The following DMD variants were observed in gnomAD, a reference collection of about 807,000 sequenced individuals.
DMD encodes dystrophin.
A neutral mutation model predicts 330.1 loss-of-function variants in DMD; 63 were observed. The observed-to-expected ratio is 0.19, with a 90% CI of 0.16 to 0.24. DMD has a LOEUF of 0.24. Among genes scored for constraint, DMD ranks in the 10% least tolerant of loss-of-function variants. The pLI, the probability that DMD is intolerant of heterozygous loss-of-function variation, is 1.00. For missense variants in DMD, 3,344 were observed against 2,684.1 expected (o/e 1.25, Z -5.43); for synonymous variants, 1,223 against 959.8 (o/e 1.27, Z -5.07).
At chrX:33,217,469 T>C (rs1358013987) in intron 1 of DMD, among the ~76,000 whole-genome samples, 1 of 111,917 alleles carries the variant, frequency 8.9e-6, no homozygotes, top group Non-Finnish European at 1.9e-5. Context: ...AGCTTTTTAG[T>C]TTGTAGTATA....
intron 2 of DMD, among the ~76,000 whole-genome samples, chrX:32,888,677 G>A (rs1258836257): frequency 8.9e-6 from 1 of 111,856 alleles, no homozygotes; most frequent in African/African-American, 3.3e-5. Flanking sequence ...CTAAGGAAAT[G>A]ACATCAGTAT....
At chrX:33,023,717 T>C in intron 1 of DMD, among the ~76,000 whole-genome samples, 1 of 111,856 alleles carries the variant, frequency 8.9e-6, no homozygotes, top group African/African-American at 3.2e-5. Flanking sequence ...TAATTATATA[T>C]TGGTAATTCT....
intron 15 of DMD, among the ~76,000 whole-genome samples, chrX:32,567,036 G>T (rs6631608): frequency 0.41 from 44,892 of 110,687 alleles, 8,219 homozygotes; most frequent in Non-Finnish European, 0.56. Flanking sequence ...ATGAAGCAAA[G>T]TGCCCCAAAC....
intron 7 of DMD, among the ~76,000 whole-genome samples, chrX:32,752,471 T>C (rs146108357): frequency 9.2e-6 from 1 of 108,957 alleles, no homozygotes; most frequent in East Asian, 2.9e-4. Context: ...CCAATGCCTG[T>C]AACCCCACTG....
chrX:32,721,966 T>C (rs939801076), intron 7 of DMD, among the ~76,000 whole-genome samples: 10 of 110,452 alleles, frequency 9.1e-5, no homozygotes, highest in East Asian at 2.8e-4. Context: ...TAGTTGATTA[T>C]ATAGGCTTAG....
At chrX:31,891,204 T>C (rs1364495508) in intron 47 of DMD, among the ~76,000 whole-genome samples, 1 of 111,804 alleles carries the variant, frequency 8.9e-6, no homozygotes, top group Non-Finnish European at 1.9e-5. Flanking sequence ...TGTGAAGTTG[T>C]AGCTTTACTA....
At chrX:32,330,367 T>C (rs1198437581) in intron 41 of DMD, among the ~76,000 whole-genome samples, 2 of 112,106 alleles carry the variant, frequency 1.8e-5, no homozygotes, top group Non-Finnish European at 3.8e-5. Flanking sequence ...TAGATTTTAT[T>C]CATCTGTTCT....
At chrX:31,635,096 C>T (rs2079340267) in intron 54 of DMD, among the ~76,000 whole-genome samples, 1 of 111,074 alleles carries the variant, frequency 9.0e-6, no homozygotes. Context: ...TCAAAATATC[C>T]TTTTGGGCAT....
chrX:31,156,291 G>T (rs2038106899), intron 74 of DMD, among the ~76,000 whole-genome samples: 1 of 111,817 alleles, frequency 8.9e-6, no homozygotes, highest in Non-Finnish European at 1.9e-5. Flanking sequence ...TTTTATATAA[G>T]ACATTTACAT....
At chrX:32,087,133 T>G (rs188383687) in intron 44 of DMD, among the ~76,000 whole-genome samples, 1 of 111,850 alleles carries the variant, frequency 8.9e-6, no homozygotes, top group African/African-American at 3.2e-5. Context: ...TGATTCAAAA[T>G]TTTCGAGCAT....
chrX:31,218,133 G>A (rs1271854523), intron 64 of DMD, among the ~76,000 whole-genome samples: 1 of 110,398 alleles, frequency 9.1e-6, no homozygotes, highest in Non-Finnish European at 1.9e-5. Context: ...CAGGAAAATC[G>A]AATAATGCCT....
intron 44 of DMD, among the ~76,000 whole-genome samples, chrX:32,052,629 C>T (rs1044089417): frequency 2.7e-5 from 3 of 111,444 alleles, no homozygotes; most frequent in Admixed American, 9.6e-5. Context: ...TCAGTAACAT[C>T]ACACTACTGT....
chrX:31,577,518 T>C (rs1196317117), intron 55 of DMD, among the ~76,000 whole-genome samples: 1 of 112,366 alleles, frequency 8.9e-6, no homozygotes, highest in Non-Finnish European at 1.9e-5. Flanking sequence ...CAATACTTAT[T>C]TTGTGTGGCC....
At chrX:31,122,062 G>A (rs773652584) in intron 78 of DMD, 132 bp from the exon 79 acceptor site, 5 of 531,565 alleles carry the variant, frequency 9.4e-6, no homozygotes, top group South Asian at 5.3e-5. Context: ...CATCGAGGGT[G>A]TACACAACAA....
intron 61 of DMD, among the ~76,000 whole-genome samples, chrX:31,331,984 G>C: frequency 8.9e-6 from 1 of 112,228 alleles, no homozygotes; most frequent in South Asian, 3.8e-4. Context: ...GTATAGGAGA[G>C]ATTGAATTTG....
intron 60 of DMD, among the ~76,000 whole-genome samples, chrX:31,364,820 G>C (rs2059141209): frequency 9.0e-6 from 1 of 111,338 alleles, no homozygotes; most frequent in Non-Finnish European, 1.9e-5. Context: ...ATACTAGGCT[G>C]GGTGCGGTGG....
In DMD at chrX:31,623,629, T is replaced by C. The variant is rs2078684592; in HGVS notation, c.8217+4044A>G. Reference sequence around the variant, plus strand: ...GTACTCAGATGTACAATTCAAACTTTATGAAACTTGTCTCTCTGGAAATGT... The same window carrying C: ...GTACTCAGATGTACAATTCAAACTTCATGAAACTTGTCTCTCTGGAAATGT... On this transcript the variant is annotated intron_variant, in intron 55 of 78. Transcript: ENST00000357033. Among the ~76,000 whole-genome samples, 8 of 111,957 alleles carry C rather than the reference T, an allele frequency of 7.1e-5. No homozygotes were observed. The Admixed American group carries it at 7.6e-4, about 11-fold the overall frequency.
chrX:31,467,239 T>C (rs1003343192), intron 59 of DMD, among the ~76,000 whole-genome samples: 26 of 111,574 alleles, frequency 2.3e-4, no homozygotes, highest in Admixed American at 2.3e-3. Flanking sequence ...CCTTGTCTTG[T>C]GCCGGTTTTT....
intron 74 of DMD, among the ~76,000 whole-genome samples, chrX:31,159,936 T>C (rs1056534740): frequency 8.9e-6 from 1 of 112,477 alleles, no homozygotes; most frequent in Admixed American, 9.4e-5. Flanking sequence ...ATGAAAGCTA[T>C]ACCTGCATTT....
Sources: gnomAD v4.1 joint callset for allele counts (sites outside exome capture counted in the v4.1 genomes callset) on GRCh38, gnomAD v4.1.1 for gene constraint, MANE v1.5 for transcripts, NCBI Gene and HGNC (gene_info 2026-07-23, HGNC 2026-07-21) for gene names.